RUFY3: variants seen among roughly 807,000 people sequenced by gnomAD.
The protein encoded by RUFY3 is protein RUFY3.
Under a neutral mutation model 84.0 loss-of-function variants are expected in RUFY3, and 34 were observed. The observed-to-expected ratio is 0.40, with a 90% CI of 0.31 to 0.54. The LOEUF (loss-of-function observed/expected upper bound fraction) is 0.54. Ranked by LOEUF, RUFY3 falls within the 20% of genes least tolerant of loss-of-function variation. The pLI is 0.39. For synonymous variants in RUFY3, 242 were observed against 252.9 expected, an observed-to-expected ratio of 0.96 and a Z score of 0.41; for missense variants, 507 against 736.8, an observed-to-expected ratio of 0.69 and a Z score of 3.61.
chr4:70,722,514 G>GGT lies in RUFY3; in HGVS notation c.-48_-47dup, dbSNP rs778412246. On this transcript the variant is annotated 5_prime_UTR_variant, in exon 1 of 18. Transcript: ENST00000381006. ...GTGAGGAGGTTGTATTTATTTTTTT[G>GGT]GTGTGTGTGTGTGAGTGTGTGTGTG... The GGT allele has an allele frequency of 1.7e-4, 240 of 1,429,286 alleles. 1 individual carries two copies. The highest frequency in any genetic ancestry group is 1.4e-3 in the South Asian group (86 of 60,182). The allele number at this position is 1,429,286 out of a possible 1,614,324, so 88.5% of individuals were successfully genotyped here.
At chr4:70,791,597 A>G (rs1730826268) in intron 12 of RUFY3, 1 of 1,192,924 alleles carries the variant, frequency 8.4e-7, no homozygotes, top group African/African-American at 1.6e-5. Flanking sequence ...AAAAAAGCCT[A>G]GGGAATTGAA....
chr4:70,722,109 T>C lies in RUFY3; in HGVS notation c.-465T>C, dbSNP rs1231605315. On this transcript the variant is annotated 5_prime_UTR_variant, in exon 1 of 18. Coordinates refer to ENST00000381006, the MANE Select transcript of RUFY3 (RefSeq NM_001037442.4). Reference sequence around the variant, plus strand: ...TTTTTTTTAAGCTACATTGAAAATATAGGTTTATTTTTTGTTCAGGTTTTT... The same window carrying C: ...TTTTTTTTAAGCTACATTGAAAATACAGGTTTATTTTTTGTTCAGGTTTTT... 38 of 1,231,700 alleles carry C rather than the reference T, an allele frequency of 3.1e-5. No individual in the cohort carries two copies. The highest frequency in any genetic ancestry group is 3.6e-5 in the Non-Finnish European group (36 of 987,738). The allele number at this position is 1,231,700 out of a possible 1,614,324, so 76.3% of individuals were successfully genotyped here. A position where few individuals can be genotyped will look rare whatever the true frequency, so the allele number is the denominator to read the frequency against.
chr4:70,741,162 ATTT>A (rs767040156), intron 1 of RUFY3, among the ~76,000 whole-genome samples: 1 of 143,164 alleles, frequency 7.0e-6, no homozygotes, highest in Admixed American at 7.0e-5. Flanking sequence ...AAGTATTTGG[ATTT>A]TTTTTTTTTT....
intron 1 of RUFY3, among the ~76,000 whole-genome samples, chr4:70,759,933 C>T (rs1164005325): frequency 6.6e-6 from 1 of 152,134 alleles, no homozygotes; most frequent in Non-Finnish European, 1.5e-5. Flanking sequence ...TTACCCACTA[C>T]TGGGTTGCTG....
rs577541333 is a variant in RUFY3, at chr4:70,785,600, G to A, written c.1071+721G>A. Among the ~76,000 whole-genome samples, 472 of 152,014 alleles carry A rather than the reference G, an allele frequency of 3.1e-3. 2 individuals are homozygous for A. The highest frequency in any genetic ancestry group is 4.0e-3 in the Non-Finnish European group (275 of 67,974). ...TCCCAGCACTTTGGGAGGCTGAGGC[G>A]GATGGATCACGTAAGGTCGGGAGTT... On this transcript the variant is annotated intron_variant, in intron 10 of 17. Coordinates refer to ENST00000381006, the MANE Select transcript of RUFY3 (RefSeq NM_001037442.4).
rs1396872897 is a variant in RUFY3 at position 70,807,375 on chromosome 4, C to G, written c.*716C>G. ...AAATAACTGCCCTTTTCAGAATCTC[C>G]TTCCACAAAACAAGCCAACTCTTCC... On this transcript the variant is annotated 3_prime_UTR_variant, in exon 18 of 18. Transcript: ENST00000381006. 6.6e-6 allele frequency: 1 copy of G among 152,172 alleles called. No homozygotes were observed. Among genetic ancestry groups the G allele is most frequent in the South Asian group, 2.1e-4 (1 of 4,832 alleles). The allele number at this position is 152,172 out of a possible 1,614,324, so 9.4% of individuals were successfully genotyped here.
intron 8 of RUFY3, among the ~76,000 whole-genome samples, chr4:70,779,262 G>A (rs1728494996): frequency 6.6e-6 from 1 of 152,166 alleles, no homozygotes; most frequent in African/African-American, 2.4e-5. Flanking sequence ...TGTAACTCAT[G>A]TGCTCCTGAG....
At chr4:70,706,233 G>A (rs1311651517) in intron 1 of RUFY3, among the ~76,000 whole-genome samples, 1 of 152,142 alleles carries the variant, frequency 6.6e-6, no homozygotes, top group Non-Finnish European at 1.5e-5. Context: ...TGCTGTATGA[G>A]TTCTGGAAAG....
At chr4:70,792,066 A>G (rs1730914082) in intron 12 of RUFY3, 3 of 985,582 alleles carry the variant, frequency 3.0e-6, no homozygotes, top group Non-Finnish European at 3.6e-6. Flanking sequence ...TTTTCCTGCA[A>G]TTCCGCTTCC....
chr4:70,706,598 T>A (rs1740364425), intron 1 of RUFY3, among the ~76,000 whole-genome samples: 1 of 152,182 alleles, frequency 6.6e-6, no homozygotes, highest in East Asian at 1.9e-4. Flanking sequence ...GATCCAAAAC[T>A]GTGATGGTGG....
intron 10 of RUFY3, among the ~76,000 whole-genome samples, chr4:70,786,801 A>G (rs1241478612): frequency 4.6e-5 from 7 of 152,094 alleles, no homozygotes; most frequent in African/African-American, 1.7e-4. Context: ...CCTGGAGTTT[A>G]GATAGTATAA....
At chr4:70,780,273 T>TTTTTG (rs919392076) in intron 8 of RUFY3, among the ~76,000 whole-genome samples, 5 of 151,678 alleles carry the variant, frequency 3.3e-5, no homozygotes, top group African/African-American at 4.8e-5. Context: ...GTTTTTTGTT[T>TTTTTG]TTTTGTTTTG....
rs149443989 is a variant in RUFY3, at chr4:70,808,014, G to A, written c.*1355G>A. Among the ~76,000 whole-genome samples, 122 of 152,172 alleles carry A rather than the reference G, an allele frequency of 8.0e-4. No individual in the cohort carries two copies. Among genetic ancestry groups the A allele is most frequent in the African/African-American group, 2.7e-3 (112 of 41,520 alleles). ...ATGGGTGCTCAAGTCCCATTATAGA[G>A]AATGGGTTATATGGTATTTGCATAT... On this transcript the variant is annotated 3_prime_UTR_variant, in exon 18 of 18. Coordinates refer to ENST00000381006, the MANE Select transcript of RUFY3 (RefSeq NM_001037442.4).
Position 70,799,988 on chromosome 4 carries a change from T to G in RUFY3, c.1558-153T>G, listed in dbSNP as rs1208112053. 6.2e-5 allele frequency: 38 copies of G among 613,600 alleles called. 1 individual carries two copies. The Admixed American group carries it at 1.1e-3, about 18-fold the overall frequency. 38.0% of individuals were successfully genotyped at this position (613,600 alleles called of 1,614,324 possible). On this transcript the variant is annotated intron_variant, in intron 14 of 17. Coordinates refer to ENST00000381006, the MANE Select transcript of RUFY3 (RefSeq NM_001037442.4). ...TTAAGAAACTACTTAGAGCAAAGAA[T>G]GAGGAAACATAGCTTGAAAGTTAGA...
chr4:70,736,393 C>G (rs1720300696), intron 1 of RUFY3, among the ~76,000 whole-genome samples: 1 of 152,036 alleles, frequency 6.6e-6, no homozygotes, highest in South Asian at 2.1e-4. Context: ...TACACTTTTT[C>G]AATGTATACA....
intron 1 of RUFY3, among the ~76,000 whole-genome samples, chr4:70,737,103 G>T (rs6851982): frequency 6.6e-6 from 1 of 152,066 alleles, no homozygotes; most frequent in African/African-American, 2.4e-5. Context: ...TCAAAGCTTG[G>T]TTTTGTCTTT....
At chr4:70,798,134 T>C (rs1401929709) in intron 14 of RUFY3, among the ~76,000 whole-genome samples, 1 of 152,048 alleles carries the variant, frequency 6.6e-6, no homozygotes, top group Admixed American at 6.6e-5. Context: ...TGGGAGGCCG[T>C]TGGCATGAAG....
intron 1 of RUFY3, among the ~76,000 whole-genome samples, chr4:70,746,266 C>A (rs1722197214): frequency 6.6e-6 from 1 of 151,070 alleles, no homozygotes; most frequent in African/African-American, 2.4e-5. Flanking sequence ...ATCGCTTGAG[C>A]CCGGGAGGCG....
rs917233095 is a variant in RUFY3 at position 70,753,682 on chromosome 4, T to C, written c.179-8837T>C. On this transcript the variant is annotated intron_variant, in intron 1 of 17. Transcript: ENST00000381006. Reference sequence around the variant, plus strand: ...CTGAGACCAGAGAGTAGAAAGGATCTAGTTCATTTGGTATCAATCATTTGT... The same window carrying C: ...CTGAGACCAGAGAGTAGAAAGGATCCAGTTCATTTGGTATCAATCATTTGT... 3.9e-5 allele frequency among the ~76,000 whole-genome samples: 6 copies of C among 152,338 alleles called. No individual in the cohort carries two copies. In the East Asian group the frequency reaches 1.2e-3, roughly 29 times the overall value.
Sources: allele counts gnomAD v4.1 joint callset (sites outside exome capture counted in the v4.1 genomes callset), GRCh38; gene constraint gnomAD v4.1.1; transcripts MANE v1.5; gene names NCBI Gene and HGNC (gene_info 2026-07-23, HGNC 2026-07-21).